Variants in SYNPR observed in about 807,000 individuals in gnomAD.
SYNPR encodes synaptoporin.
Under a neutral mutation model 32.9 loss-of-function variants are expected in SYNPR, and 23 were observed. The observed-to-expected ratio is 0.70, with a 90% CI of 0.50 to 0.99. The LOEUF (loss-of-function observed/expected upper bound fraction) is 0.99, where lower values mean the gene tolerates loss of function less well. SYNPR is among the 50% of genes least tolerant of loss of function. SYNPR has a pLI of 0.00. For synonymous variants in SYNPR, 146 were observed against 135.9 expected (o/e 1.07, Z -0.52); for missense variants, 318 against 349.3 (o/e 0.91, Z 0.71).
At chr3:63,343,758 T>C (rs576573957) in intron 2 of SYNPR, among the ~76,000 whole-genome samples, 1 of 152,368 alleles carries the variant, frequency 6.6e-6, no homozygotes, top group South Asian at 2.1e-4. Flanking sequence ...GAGAAGGCTT[T>C]GACCATTTGT....
intron 4 of SYNPR, among the ~76,000 whole-genome samples, chr3:63,579,224 C>T (rs1703046597): frequency 6.6e-6 from 1 of 152,076 alleles, no homozygotes; most frequent in Non-Finnish European, 1.5e-5. Context: ...AAATTAAGGT[C>T]TTCATTTCCT....
chr3:63,264,582 T>A (rs2086465134), intron 2 of SYNPR, among the ~76,000 whole-genome samples: 1 of 152,188 alleles, frequency 6.6e-6, no homozygotes, highest in African/African-American at 2.4e-5. Context: ...AAATGTTCAA[T>A]AGGGCCTAAT....
chr3:63,286,373 G>T (rs1444701749), intron 2 of SYNPR, among the ~76,000 whole-genome samples: 8 of 152,316 alleles, frequency 5.3e-5, no homozygotes, highest in Middle Eastern at 6.8e-3. Context: ...AAGAGACACA[G>T]TGGCCCCAAC....
At chr3:63,595,750 TATATA>T (rs1452783330) in intron 4 of SYNPR, among the ~76,000 whole-genome samples, 9 of 45,124 alleles carry the variant, frequency 2.0e-4, no homozygotes, top group African/African-American at 7.3e-4. Flanking sequence ...TATATATATA[TATATA>T]TATATATATA....
At chr3:63,546,463 G>C (rs1702403225) in intron 3 of SYNPR, among the ~76,000 whole-genome samples, 1 of 151,918 alleles carries the variant, frequency 6.6e-6, no homozygotes, top group Non-Finnish European at 1.5e-5. Context: ...ACATCTTTCT[G>C]GCACATGGAA....
intron 2 of SYNPR, among the ~76,000 whole-genome samples, chr3:63,266,923 T>C (rs1422643900): frequency 6.6e-6 from 1 of 152,124 alleles, no homozygotes; most frequent in Non-Finnish European, 1.5e-5. Flanking sequence ...AAAATGAATG[T>C]AATCAGCTTG....
At chr3:63,433,008 T>C (rs1165144646) in intron 2 of SYNPR, among the ~76,000 whole-genome samples, 1 of 152,248 alleles carries the variant, frequency 6.6e-6, no homozygotes, top group Non-Finnish European at 1.5e-5. Flanking sequence ...CGTTCTTTTA[T>C]AAGCTGCTCG....
chr3:63,377,401 C>G (rs754378692), intron 2 of SYNPR, among the ~76,000 whole-genome samples: 3 of 151,932 alleles, frequency 2.0e-5, no homozygotes, highest in Admixed American at 6.6e-5. Context: ...AGAAAAGAAG[C>G]CTTATTTTAT....
At chr3:63,548,279 A>G (rs1161589070) in intron 3 of SYNPR, among the ~76,000 whole-genome samples, 1 of 152,162 alleles carries the variant, frequency 6.6e-6, no homozygotes, top group Non-Finnish European at 1.5e-5. Context: ...AGAAAGCCTG[A>G]GTGCTAAGTT....
chr3:63,217,581 C>T, the SYNPR span, among the ~76,000 whole-genome samples: 3 of 136,118 alleles, frequency 2.2e-5, no homozygotes, highest in Admixed American at 7.6e-5. Flanking sequence ...GCACGGTGCG[C>T]GCACACACTG....
chr3:63,365,107 G>T (rs1210762332), intron 2 of SYNPR, among the ~76,000 whole-genome samples: 1 of 152,186 alleles, frequency 6.6e-6, no homozygotes, highest in African/African-American at 2.4e-5. Flanking sequence ...TTAGCTGGCT[G>T]CAGGGTACAC....
intron 2 of SYNPR, among the ~76,000 whole-genome samples, chr3:63,446,221 G>A (rs1008812311): frequency 5.3e-5 from 8 of 151,544 alleles, no homozygotes; most frequent in Non-Finnish European, 4.4e-5. Context: ...CAATTCCAAC[G>A]GAATCATTTT....
intron 2 of SYNPR, among the ~76,000 whole-genome samples, chr3:63,348,775 T>C (rs1303969094): frequency 6.6e-6 from 1 of 152,240 alleles, no homozygotes; most frequent in East Asian, 1.9e-4. Context: ...GCACCATTTA[T>C]TGAAAAGGAC....
intron 4 of SYNPR, among the ~76,000 whole-genome samples, chr3:63,591,417 A>T (rs1232052847): frequency 0.019 from 2,328 of 125,100 alleles, 177 homozygotes; most frequent in African/African-American, 0.07. Flanking sequence ...AGGGATCTAG[A>T]ACTAGAAATA....
chr3:63,390,163 A>G (rs1262701881), intron 2 of SYNPR, among the ~76,000 whole-genome samples: 2 of 152,214 alleles, frequency 1.3e-5, no homozygotes, highest in African/African-American at 4.8e-5. Flanking sequence ...CAAGAAAATC[A>G]TTCTGTCTCT....
In SYNPR at chr3:63,442,367, C is replaced by T. The variant is rs116452881; in HGVS notation, c.85-38465C>T. Among the ~76,000 whole-genome samples the T allele has an allele frequency of 6.4e-3, 967 of 152,212 alleles. 4 individuals carry two copies. The highest frequency in any genetic ancestry group is 0.022 in the African/African-American group (922 of 41,520). On this transcript the variant is annotated intron_variant, in intron 2 of 5. Coordinates refer to ENST00000478300, the MANE Select transcript of SYNPR (RefSeq NM_001130003.2). ...CAGCCTATGTGCATTTCAACATTCC[C>T]GCACCGAGTGGGGACCCAAAGTAGG... is the stretch of plus-strand genomic sequence containing the variant.
chr3:63,442,948 C>T (rs1700207391), intron 2 of SYNPR: 3 of 861,226 alleles, frequency 3.5e-6, no homozygotes, highest in Non-Finnish European at 4.2e-6. Flanking sequence ...TCCCCATACC[C>T]TTAAAACACA....
intron 2 of SYNPR, among the ~76,000 whole-genome samples, chr3:63,426,445 G>C (rs1699893635): frequency 6.6e-6 from 1 of 152,140 alleles, no homozygotes; most frequent in Non-Finnish European, 1.5e-5. Context: ...GCCAAAGAAG[G>C]GGAGCTCATG....
chr3:63,600,729 G>C (rs1003846191), intron 4 of SYNPR, among the ~76,000 whole-genome samples: 6 of 152,140 alleles, frequency 3.9e-5, no homozygotes, highest in Non-Finnish European at 8.8e-5. Context: ...GCCTTGTGAA[G>C]AAGATGCCTT....
Sources: gnomAD v4.1 joint callset for allele counts (sites outside exome capture counted in the v4.1 genomes callset) on GRCh38, gnomAD v4.1.1 for gene constraint, MANE v1.5 for transcripts, NCBI Gene and HGNC (gene_info 2026-07-23, HGNC 2026-07-21) for gene names.